Variants in CHST7 observed in about 807,000 individuals in gnomAD.
CHST7 encodes the protein N-acetylglucosamine 6-O-sulfotransferase 4.
In CHST7, 5 loss-of-function variants were observed where a neutral mutation model predicts 9.0. The ratio of observed to expected loss-of-function variants is 0.56; its 90% CI spans 0.29 to 1.17. The LOEUF is 1.17. CHST7 is among the 50% of genes most tolerant of loss of function. The pLI, the probability that CHST7 is intolerant of heterozygous loss-of-function variation, is 0.08. For missense variants in CHST7, 377 were observed against 485.1 expected (o/e 0.78, Z 2.09); for synonymous variants, 244 against 237.1 (o/e 1.03, Z -0.27).
chrX:46,576,272 G>T (rs757995192), intron 1 of CHST7, among the ~76,000 whole-genome samples: 43 of 108,280 alleles, frequency 4.0e-4, no homozygotes, highest in Non-Finnish European at 6.9e-4. Context: ...TTCACATCAG[G>T]TCACAAAAGC....
chrX:46,574,992 G>T lies in CHST7; in HGVS notation c.1061G>T (p.Arg354Leu). Reference sequence around the variant, plus strand: ...GAGGTGATCTGCGAAGCCTGGCTGCGCGATCTGCTTTTCGCGCGCGGCGCG... The same window carrying T: ...GAGGTGATCTGCGAAGCCTGGCTGCTCGATCTGCTTTTCGCGCGCGGCGCG... ...ALEVICEAWLRDLLFARGAPA... is the reference protein window; with the variant it reads ...ALEVICEAWLLDLLFARGAPA... The change falls in exon 1 of 2, where the codon CGC becomes CTC. Residue 354 changes from arginine (R) to leucine (L), a missense_variant. Physicochemically the swap from Arg to Leu is moderately radical, Grantham distance 102. This residue lies in a region of CHST7 where 130 missense variants were observed against 134.9 expected (regional missense o/e 0.96). Transcript: ENST00000276055. The T allele has an allele frequency of 8.7e-7, 1 of 1,145,529 alleles. No individual in the cohort carries two copies. The highest frequency in any genetic ancestry group is 3.4e-5 in the East Asian group (1 of 29,495). 94.4% of individuals were successfully genotyped at this position (1,145,529 alleles called of 1,213,427 possible).
intron 1 of CHST7, among the ~76,000 whole-genome samples, chrX:46,595,377 C>T (rs1468047455): frequency 8.9e-6 from 1 of 112,313 alleles, no homozygotes; most frequent in Non-Finnish European, 1.9e-5. Flanking sequence ...TCTTTTTTAG[C>T]AGGCCTCCAC....
At chrX:46,593,244 G>C (rs1272922769) in intron 1 of CHST7, among the ~76,000 whole-genome samples, 1 of 111,648 alleles carries the variant, frequency 9.0e-6, no homozygotes, top group East Asian at 2.8e-4. Flanking sequence ...TCTCTGTCTA[G>C]TGAGTCCATC....
intron 1 of CHST7, among the ~76,000 whole-genome samples, chrX:46,585,177 A>G (rs1942542623): frequency 9.0e-6 from 1 of 111,291 alleles, no homozygotes; most frequent in Non-Finnish European, 1.9e-5. Context: ...ATAATAAAGG[A>G]AAAAAACACA....
chrX:46,591,797 C>T (rs1239472817), intron 1 of CHST7, among the ~76,000 whole-genome samples: 1 of 111,269 alleles, frequency 9.0e-6, no homozygotes, highest in African/African-American at 3.3e-5. Flanking sequence ...TTTGCTGCAC[C>T]TATCAAGCCA....
chrX:46,581,093 G>T (rs1359388025), intron 1 of CHST7, among the ~76,000 whole-genome samples: 1 of 108,507 alleles, frequency 9.2e-6, no homozygotes, highest in African/African-American at 3.4e-5. Context: ...AAATTAGCTG[G>T]GCATGGTGGC....
Position 46,574,564 on chromosome X carries a change from C to T in CHST7, c.633C>T (p.Pro211=). 8.3e-7 allele frequency: 1 copy of T among 1,206,279 alleles called. No homozygotes were observed. Among genetic ancestry groups the T allele is most frequent in the East Asian group, 3.0e-5 (1 of 33,549 alleles). The part of the protein sequence containing the change: ...ICSPPLCPGA[P]RARAEVGLVE... ...CGCCGCCACTGTGTCCTGGCGCACCCCGTGCCCGGGCCGAGGTGGGCCTCG... is the reference window on the plus strand; with the variant it reads ...CGCCGCCACTGTGTCCTGGCGCACCTCGTGCCCGGGCCGAGGTGGGCCTCG... The change falls in exon 1 of 2, where the codon CCC becomes CCT. Residue 211 remains proline (P), a synonymous_variant. Coordinates refer to ENST00000276055, the MANE Select transcript of CHST7 (RefSeq NM_019886.4).
chrX:46,580,555 A>G (rs1371844578), intron 1 of CHST7, among the ~76,000 whole-genome samples: 2 of 111,421 alleles, frequency 1.8e-5, no homozygotes, highest in African/African-American at 6.5e-5. Context: ...AGGTGTGAAC[A>G]ATTTTTAAAA....
intron 1 of CHST7, among the ~76,000 whole-genome samples, chrX:46,585,205 A>G (rs1942542793): frequency 9.0e-6 from 1 of 111,065 alleles, no homozygotes; most frequent in Non-Finnish European, 1.9e-5. Flanking sequence ...GGGTCTGCAC[A>G]TAACAAAAAA....
intron 1 of CHST7, among the ~76,000 whole-genome samples, chrX:46,581,007 G>A (rs1260758566): frequency 9.0e-6 from 1 of 110,648 alleles, no homozygotes; most frequent in Non-Finnish European, 1.9e-5. Flanking sequence ...AGCTGAGGCG[G>A]GCGGATCACT....
intron 1 of CHST7, among the ~76,000 whole-genome samples, chrX:46,587,010 C>T (rs1420854551): frequency 9.0e-6 from 1 of 111,499 alleles, no homozygotes; most frequent in African/African-American, 3.3e-5. Context: ...GCTGGGATTA[C>T]AGGCGTGAGC....
Position 46,574,582 on chromosome X carries a change from G to A in CHST7, c.651G>A (p.Val217=), listed in dbSNP as rs1422623162. 4.2e-6 allele frequency: 5 copies of A among 1,204,169 alleles called. 1 individual carries two copies. The highest frequency in any genetic ancestry group is 5.6e-6 in the Non-Finnish European group (5 of 891,430). Residue 217 remains valine, a synonymous_variant, in exon 1 of 2, where the codon GTG becomes GTA. Coordinates refer to ENST00000276055, the MANE Select transcript of CHST7 (RefSeq NM_019886.4). ...CPGAPRARAE[V]GLVEDTACER... Reference sequence around the variant, plus strand: ...GCGCACCCCGTGCCCGGGCCGAGGTGGGCCTCGTCGAGGACACCGCCTGCG... The same window carrying A: ...GCGCACCCCGTGCCCGGGCCGAGGTAGGCCTCGTCGAGGACACCGCCTGCG...
At chrX:46,577,508 A>G (rs1302365733) in intron 1 of CHST7, among the ~76,000 whole-genome samples, 1 of 111,707 alleles carries the variant, frequency 9.0e-6, no homozygotes, top group African/African-American at 3.3e-5. Context: ...ACTCTATTCT[A>G]GAGAAGGGAG....
intron 1 of CHST7, among the ~76,000 whole-genome samples, chrX:46,591,268 G>A (rs973849882): frequency 5.3e-5 from 6 of 112,797 alleles, no homozygotes; most frequent in Non-Finnish European, 3.7e-5. Flanking sequence ...CTACCAAACT[G>A]TTGCTGAGAG....
chrX:46,590,712 T>TTG (rs1942569635), intron 1 of CHST7, among the ~76,000 whole-genome samples: 1 of 111,902 alleles, frequency 8.9e-6, no homozygotes, highest in Non-Finnish European at 1.9e-5. Flanking sequence ...TGTACTCATT[T>TTG]TGTGTGTGTG....
At chrX:46,585,849 G>A (rs750059443) in intron 1 of CHST7, among the ~76,000 whole-genome samples, 95 of 110,760 alleles carry the variant, frequency 8.6e-4, no homozygotes, top group Non-Finnish European at 1.4e-3. Context: ...GAGTTCGAGC[G>A]ATTCTCGTGC....
intron 1 of CHST7, among the ~76,000 whole-genome samples, chrX:46,584,587 GGGCCAGTA>G (rs982367459): frequency 1.9e-5 from 2 of 107,277 alleles, no homozygotes; most frequent in African/African-American, 6.9e-5. Flanking sequence ...GGTACTCTCT[GGGCCAGTA>G]GGCCAGTAAG....
chrX:46,580,594 C>G (rs183987678), intron 1 of CHST7, among the ~76,000 whole-genome samples: 1 of 111,119 alleles, frequency 9.0e-6, no homozygotes, highest in East Asian at 2.9e-4. Flanking sequence ...CATTATTGCT[C>G]CTTGTGAGGT....
Position 46,574,711 on chromosome X carries a change from G to C in CHST7, c.780G>C (p.Leu260=). ...TGCGCCTGCTCGATCTGGGCGTGCT[G>C]GTGCCCCTGTTGCGTGATCCAGGCC... ...KDVRLLDLGV[L]VPLLRDPGLN... is the part of the protein sequence containing the mutation. Residue 260 remains leucine, a synonymous_variant, in exon 1 of 2, where the codon CTG becomes CTC. Transcript: ENST00000276055. The C allele has an allele frequency of 8.3e-7, 1 of 1,209,738 alleles. No individual in the cohort carries two copies. The highest frequency in any genetic ancestry group is 1.1e-6 in the Non-Finnish European group (1 of 894,419).
Sources: allele counts gnomAD v4.1 joint callset (sites outside exome capture counted in the v4.1 genomes callset), GRCh38; gene constraint gnomAD v4.1.1; regional missense constraint gnomAD v4.1.1; transcripts MANE v1.5; gene names NCBI Gene and HGNC (gene_info 2026-07-23, HGNC 2026-07-21).